The following KLHL13 variants were observed in gnomAD, a reference collection of about 807,000 sequenced individuals.
The protein encoded by KLHL13 is kelch like family member 13.
Under a neutral mutation model 37.1 loss-of-function variants are expected in KLHL13, and 10 were observed. The observed-to-expected ratio is 0.27, with a 90% confidence interval of 0.17 to 0.46. The LOEUF (loss-of-function observed/expected upper bound fraction) is 0.46, where lower values mean the gene tolerates loss of function less well. Ranked by LOEUF, KLHL13 falls within the 20% of genes least tolerant of loss-of-function variation. KLHL13 has a pLI of 1.00. For synonymous variants in KLHL13, 163 were observed against 181.2 expected, an observed-to-expected ratio of 0.90 and a Z score of 0.81; for missense variants, 360 against 509.3, an observed-to-expected ratio of 0.71 and a Z score of 2.82.
At chrX:117,930,567 C>A (rs1324473600) in intron 2 of KLHL13, among the ~76,000 whole-genome samples, 1 of 111,771 alleles carries the variant, frequency 8.9e-6, no homozygotes, top group Non-Finnish European at 1.9e-5. Context: ...TATGTGATAG[C>A]CCTCTCTATC....
chrX:117,930,314 C>CAGGCAGGA (rs1351231820), intron 2 of KLHL13, among the ~76,000 whole-genome samples: 17 of 102,446 alleles, frequency 1.7e-4, no homozygotes, highest in East Asian at 1.2e-3. Flanking sequence ...GGCAGGCAGG[C>CAGGCAGGA]AGGCAGGAAG....
At chrX:118,019,680 G>C (rs1317207938) in intron 1 of KLHL13, among the ~76,000 whole-genome samples, 1 of 110,940 alleles carries the variant, frequency 9.0e-6, no homozygotes, top group Non-Finnish European at 1.9e-5. Flanking sequence ...TAAGGTGTAA[G>C]GAAGAGGTCC....
chrX:118,100,698 T>G (rs777707087), intron 1 of KLHL13, among the ~76,000 whole-genome samples: 1 of 111,641 alleles, frequency 9.0e-6, no homozygotes, highest in African/African-American at 3.3e-5. Flanking sequence ...CCCTCCATTT[T>G]CTGGCCCAAT....
At chrX:117,936,111 A>G (rs187511427) in intron 2 of KLHL13, among the ~76,000 whole-genome samples, 1 of 111,929 alleles carries the variant, frequency 8.9e-6, no homozygotes, top group East Asian at 2.8e-4. Flanking sequence ...ACCTGGAATA[A>G]TAGGGAGAAG....
intron 1 of KLHL13, among the ~76,000 whole-genome samples, chrX:117,971,534 G>C (rs1265295812): frequency 1.8e-5 from 2 of 109,559 alleles, no homozygotes; most frequent in South Asian, 7.7e-4. Flanking sequence ...AACACCCAAA[G>C]AGATAAAAAT....
At chrX:118,080,590 T>C (rs2148129168) in intron 1 of KLHL13, among the ~76,000 whole-genome samples, 1 of 112,019 alleles carries the variant, frequency 8.9e-6, no homozygotes, top group East Asian at 2.8e-4. Context: ...GAATGGCTGT[T>C]ATTAAAAAGT....
intron 4 of KLHL13, among the ~76,000 whole-genome samples, chrX:117,911,097 T>C (rs1930955481): frequency 8.9e-6 from 1 of 112,342 alleles, no homozygotes; most frequent in Admixed American, 9.4e-5. Context: ...TGCCAGTGTG[T>C]ATGTATACAA....
chrX:118,075,522 T>C (rs1274268258), intron 1 of KLHL13, among the ~76,000 whole-genome samples: 2 of 111,505 alleles, frequency 1.8e-5, no homozygotes, highest in South Asian at 3.8e-4. Context: ...TTGAAAGCTA[T>C]TGAATGGTTT....
chrX:117,915,274 G>A (rs749728849), intron 4 of KLHL13, among the ~76,000 whole-genome samples: 51 of 111,957 alleles, frequency 4.6e-4, no homozygotes, highest in Non-Finnish European at 8.7e-4. Context: ...TAGTAACAGA[G>A]GCAAAGCAAA....
intron 1 of KLHL13, among the ~76,000 whole-genome samples, chrX:117,967,674 T>G (rs1230980548): frequency 8.9e-6 from 1 of 112,322 alleles, no homozygotes; most frequent in Non-Finnish European, 1.9e-5. Context: ...ACAGGAACAC[T>G]AGCTCTTTGT....
chrX:117,909,782 GTAAT>G lies in KLHL13; in HGVS notation c.881_884del (p.Asn294ThrfsTer8). ...TTCTCATGAAATCCACCGTTTGCAC[GTAAT>G]TAATGAGCTCCTGTGGTGTCATCAG... On this transcript the variant is annotated frameshift_variant, in exon 5 of 7. Coordinates refer to ENST00000262820, the Ensembl canonical transcript of KLHL13. LOFTEE classifies it high-confidence loss of function. 1 of 1,171,439 alleles carries G rather than the reference GTAAT, an allele frequency of 8.5e-7. No homozygotes were observed. The highest frequency in any genetic ancestry group is 1.1e-6 in the Non-Finnish European group (1 of 870,668).
intron 1 of KLHL13, among the ~76,000 whole-genome samples, chrX:118,093,811 G>T (rs1411454347): frequency 9.1e-6 from 1 of 110,227 alleles, no homozygotes; most frequent in East Asian, 2.8e-4. Context: ...AGCATAAGAA[G>T]TATGATGGGC....
chrX:117,918,265 C>G (rs900159283), intron 4 of KLHL13, among the ~76,000 whole-genome samples: 4 of 111,255 alleles, frequency 3.6e-5, no homozygotes, highest in Non-Finnish European at 5.7e-5. Context: ...ATCAAACATA[C>G]AAAAAACACA....
At chrX:118,104,617 A>G (rs1156597838) in intron 1 of KLHL13, among the ~76,000 whole-genome samples, 1 of 112,068 alleles carries the variant, frequency 8.9e-6, no homozygotes, top group Non-Finnish European at 1.9e-5. Context: ...AATTAAATTC[A>G]AAGGAGGAGG....
At chrX:118,057,424 T>A in intron 1 of KLHL13, among the ~76,000 whole-genome samples, 1 of 112,584 alleles carries the variant, frequency 8.9e-6, no homozygotes, top group East Asian at 2.8e-4. Context: ...TGACCTCACA[T>A]TTGGCAAAGG....
In KLHL13 at chrX:117,937,932, T is replaced by C. The variant is rs779388105; in HGVS notation, c.240+7502A>G. On this transcript the variant is annotated intron_variant, in intron 2 of 6. Transcript: ENST00000262820. ...TTCCCTAGCTGTAAGCAACCAATAG[T>C]CTACTTTACGTCTATATAGATTTCT... is the stretch of plus-strand genomic sequence containing the variant. 5.4e-5 allele frequency among the ~76,000 whole-genome samples: 6 copies of C among 111,954 alleles called. No individual in the cohort carries two copies. The South Asian group carries it at 2.2e-3, about 42-fold the overall frequency.
intron 1 of KLHL13, among the ~76,000 whole-genome samples, chrX:118,022,217 G>A (rs1278447136): frequency 2.7e-5 from 3 of 111,879 alleles, no homozygotes; most frequent in Non-Finnish European, 5.6e-5. Context: ...ATTTGTGTGT[G>A]TGTGTCACAA....
At chrX:118,004,413 T>C (rs2053958992) in intron 1 of KLHL13, among the ~76,000 whole-genome samples, 1 of 111,802 alleles carries the variant, frequency 8.9e-6, no homozygotes, top group African/African-American at 3.3e-5. Context: ...GGAACCATGA[T>C]GCCTGATTCC....
At chrX:118,079,310 T>C (rs182621953) in intron 1 of KLHL13, among the ~76,000 whole-genome samples, 20 of 110,037 alleles carry the variant, frequency 1.8e-4, no homozygotes, top group African/African-American at 5.9e-4. Flanking sequence ...TGAAACAGAA[T>C]GAAAAAAAGG....
Sources: gnomAD v4.1 joint callset for allele counts (sites outside exome capture counted in the v4.1 genomes callset) on GRCh38, gnomAD v4.1.1 for gene constraint, MANE v1.5 for transcripts, NCBI Gene and HGNC (gene_info 2026-07-23, HGNC 2026-07-21) for gene names.